The following GRIA2 variants were observed in gnomAD, a reference collection of about 807,000 sequenced individuals.
GRIA2 encodes glutamate ionotropic receptor AMPA type subunit 2.
GRIA2 carries 14 observed loss-of-function variants against 97.3 expected under a neutral mutation model. The observed-to-expected ratio is 0.14, with a 90% CI of 0.10 to 0.23. The LOEUF (loss-of-function observed/expected upper bound fraction) is 0.23, where lower values mean the gene tolerates loss of function less well. Among genes scored for constraint, GRIA2 ranks in the 10% least tolerant of loss-of-function variants. GRIA2 has a pLI of 1.00. For missense variants in GRIA2, 558 were observed against 1,069.8 expected, an observed-to-expected ratio of 0.52 and a Z score of 6.67; for synonymous variants, 412 against 387.8, an observed-to-expected ratio of 1.06 and a Z score of -0.73.
At chr4:157,242,305 T>C (rs191244688) in intron 2 of GRIA2, among the ~76,000 whole-genome samples, 1 of 152,186 alleles carries the variant, frequency 6.6e-6, no homozygotes, top group East Asian at 1.9e-4. Context: ...GTAATTGATA[T>C]AAGAAACAGA....
intron 2 of GRIA2, among the ~76,000 whole-genome samples, chr4:157,224,464 G>GT (rs956784026): frequency 6.6e-6 from 1 of 152,036 alleles, no homozygotes; most frequent in African/African-American, 2.4e-5. Context: ...TTGTGACTCC[G>GT]TTTTTTTATT....
intron 2 of GRIA2, among the ~76,000 whole-genome samples, chr4:157,279,970 C>CA (rs1732522109): frequency 6.6e-6 from 1 of 151,956 alleles, no homozygotes; most frequent in South Asian, 2.1e-4. Context: ...ACTAAAAATA[C>CA]AAAAATCAGC....
Position 157,317,718 on chromosome 4 carries a change from GAATT to G in GRIA2, c.720+12_720+15del, listed in dbSNP as rs761946081. ...CTACATCATTGCAAATCTGGTAGGTGAATTAATTGGTATATATTATTTTACTAGA... is the reference window on the plus strand; with the variant it reads ...CTACATCATTGCAAATCTGGTAGGTGAATTGGTATATATTATTTTACTAGA... On this transcript the variant is annotated splice_region_variant and intron_variant, in intron 5 of 15. Coordinates refer to ENST00000264426, the MANE Select transcript of GRIA2 (RefSeq NM_001083619.3). The G allele has an allele frequency of 8.8e-7, 1 of 1,134,102 alleles. No homozygotes were observed. Among genetic ancestry groups the G allele is most frequent in the Non-Finnish European group, 1.3e-6 (1 of 749,572 alleles). The allele number at this position is 1,134,102 out of a possible 1,614,324, so 70.3% of individuals were successfully genotyped here.
rs145752154 is a variant in GRIA2 at position 157,251,034 on chromosome 4, C to T, written c.229+29227C>T. Among the ~76,000 whole-genome samples, 218 of 152,130 alleles carry T rather than the reference C, an allele frequency of 1.4e-3. 1 individual carries two copies. The highest frequency in any genetic ancestry group is 2.3e-3 in the South Asian group (11 of 4,824). On this transcript the variant is annotated intron_variant, in intron 2 of 15. Transcript: ENST00000264426. ...ATGTGAAAGAGCATAACCCTGGAAACAGAAACAGAAATTTAATTACCTAAA... is the reference window on the plus strand; with the variant it reads ...ATGTGAAAGAGCATAACCCTGGAAATAGAAACAGAAATTTAATTACCTAAA...
At chr4:157,353,828 TA>T (rs1736128148) in intron 12 of GRIA2, among the ~76,000 whole-genome samples, 1 of 152,190 alleles carries the variant, frequency 6.6e-6, no homozygotes, top group Admixed American at 6.5e-5. Flanking sequence ...GTTAATATTT[TA>T]AAATTAGTTT....
At chr4:157,232,335 G>T (rs770945277) in intron 2 of GRIA2, among the ~76,000 whole-genome samples, 4 of 151,992 alleles carry the variant, frequency 2.6e-5, no homozygotes, top group Non-Finnish European at 5.9e-5. Context: ...TCTCTATAAG[G>T]GTGTGTGTGC....
chr4:157,320,131 T>C lies in GRIA2; in HGVS notation c.721-1307T>C, dbSNP rs71607141. Among the ~76,000 whole-genome samples the C allele has an allele frequency of 6.1e-3, 931 of 152,190 alleles. 7 individuals carry two copies. The highest frequency in any genetic ancestry group is 0.01 in the Non-Finnish European group (704 of 67,964). On this transcript the variant is annotated intron_variant, in intron 5 of 15. Transcript: ENST00000264426. ...ACTGGAAAAAATGGGGATAAGCATA[T>C]AGAAATCTCTAGCATTGAAAAAATG... is the stretch of plus-strand genomic sequence containing the variant.
At chr4:157,289,549 G>A (rs1352075573) in intron 2 of GRIA2, among the ~76,000 whole-genome samples, 1 of 151,748 alleles carries the variant, frequency 6.6e-6, no homozygotes, top group South Asian at 2.1e-4. Flanking sequence ...AAGAAGTCCT[G>A]GTTGTGTCAT....
chr4:157,302,996 CTGAG>C (rs1733682317), intron 2 of GRIA2, among the ~76,000 whole-genome samples: 1 of 152,144 alleles, frequency 6.6e-6, no homozygotes. Context: ...TGCTTCTCGA[CTGAG>C]TGACACAATA....
chr4:157,233,612 G>A (rs1579291531), intron 2 of GRIA2, among the ~76,000 whole-genome samples: 2 of 151,998 alleles, frequency 1.3e-5, no homozygotes, highest in East Asian at 3.9e-4. Flanking sequence ...TAATATTATT[G>A]GAGGCATTAT....
At chr4:157,231,507 C>T (rs1449222111) in intron 2 of GRIA2, among the ~76,000 whole-genome samples, 1 of 152,062 alleles carries the variant, frequency 6.6e-6, no homozygotes, top group Non-Finnish European at 1.5e-5. Context: ...GGAAAAAACA[C>T]AAATTTAAGG....
At chr4:157,358,911 C>T (rs1176661473) in intron 12 of GRIA2, among the ~76,000 whole-genome samples, 1 of 152,020 alleles carries the variant, frequency 6.6e-6, no homozygotes, top group East Asian at 1.9e-4. Context: ...AAACAAACCC[C>T]CCCCAAACCT....
At chr4:157,258,866 C>G (rs183371883) in intron 2 of GRIA2, among the ~76,000 whole-genome samples, 1 of 152,012 alleles carries the variant, frequency 6.6e-6, no homozygotes, top group East Asian at 2.0e-4. Flanking sequence ...GCGGGTTCCC[C>G]CGATAAGTTC....
At chr4:157,282,115 C>T (rs1416778520) in intron 2 of GRIA2, among the ~76,000 whole-genome samples, 1 of 152,056 alleles carries the variant, frequency 6.6e-6, no homozygotes, top group African/African-American at 2.4e-5. Context: ...ATTTTGGCTT[C>T]TGTTAACTGT....
At position 157,303,801 on chromosome 4, in the gene GRIA2, A is replaced by G. The variant is rs1560756345; in HGVS notation, c.469+10A>G. The G allele has an allele frequency of 6.2e-7, 1 of 1,612,968 alleles. No homozygotes were observed. The highest frequency in any genetic ancestry group is 8.5e-7 in the Non-Finnish European group (1 of 1,178,954). ...TATGACAGTGACAGAGGTAAGTGAC[A>G]GTATCTCATCTCTTTGTAATGGGGC... On this transcript the variant is annotated intron_variant, in intron 3 of 15. Coordinates refer to ENST00000264426, the MANE Select transcript of GRIA2 (RefSeq NM_001083619.3).
At chr4:157,304,641 G>A (rs749477475) in intron 3 of GRIA2, among the ~76,000 whole-genome samples, 6 of 152,190 alleles carry the variant, frequency 3.9e-5, no homozygotes, top group Admixed American at 1.3e-4. Context: ...AAGTCAAAGC[G>A]GTGAGGGACA....
intron 2 of GRIA2, among the ~76,000 whole-genome samples, chr4:157,301,280 A>C (rs1223577861): frequency 5.9e-5 from 9 of 152,240 alleles, no homozygotes. Flanking sequence ...GCTATTTTTC[A>C]TGTATGTGAA....
chr4:157,239,151 G>C (rs751438305), intron 2 of GRIA2, among the ~76,000 whole-genome samples: 4 of 152,034 alleles, frequency 2.6e-5, no homozygotes, highest in Non-Finnish European at 5.9e-5. Context: ...TCATTGATTA[G>C]AACTATTCCC....
At chr4:157,258,318 G>A (rs1731371577) in intron 2 of GRIA2, among the ~76,000 whole-genome samples, 1 of 151,976 alleles carries the variant, frequency 6.6e-6, no homozygotes, top group Non-Finnish European at 1.5e-5. Flanking sequence ...CCCTGAGAAA[G>A]AGAATGCATT....
Sources: allele counts gnomAD v4.1 joint callset (sites outside exome capture counted in the v4.1 genomes callset), GRCh38; gene constraint gnomAD v4.1.1; transcripts MANE v1.5; gene names NCBI Gene and HGNC (gene_info 2026-07-23, HGNC 2026-07-21).